The following IKBKB variants were observed in gnomAD, a reference collection of about 807,000 sequenced individuals.
IKBKB encodes the protein inhibitor of nuclear factor kappa B kinase subunit beta, also known as inhibitor of nuclear factor kappa-B kinase subunit beta.
Under a neutral mutation model 113.6 loss-of-function variants are expected in IKBKB, and 42 were observed. The observed-to-expected ratio is 0.37, with a 90% CI of 0.29 to 0.48. The LOEUF is 0.48. Among genes scored for constraint, IKBKB ranks in the 20% least tolerant of loss-of-function variants. The pLI, the probability that IKBKB is intolerant of heterozygous loss-of-function variation, is 0.99. For synonymous variants in IKBKB, 296 were observed against 361.3 expected (o/e 0.82, Z 2.05); for missense variants, 673 against 939.7 (o/e 0.72, Z 3.71).
intron 8 of IKBKB, among the ~76,000 whole-genome samples, chr8:42,312,484 A>T (rs1359371842): frequency 6.6e-6 from 1 of 152,206 alleles, no homozygotes; most frequent in East Asian, 1.9e-4. Context: ...GGAAACTTTT[A>T]AAAAATTTCA....
chr8:42,280,741 C>T (rs568341757), intron 2 of IKBKB, among the ~76,000 whole-genome samples: 4 of 152,164 alleles, frequency 2.6e-5, no homozygotes, highest in East Asian at 1.9e-4. Flanking sequence ...TGGGGCCCTG[C>T]GGGATGCTCG....
chr8:42,318,823 T>G, intron 13 of IKBKB, 148 bp downstream of exon 13: 3 of 763,406 alleles, frequency 3.9e-6, no homozygotes, highest in Non-Finnish European at 6.1e-6. Flanking sequence ...GGGAAGCGGT[T>G]GGGTGGGCTG....
Position 42,316,938 on chromosome 8 carries a change from A to G in IKBKB, c.1125+34A>G, listed in dbSNP as rs759576928. On this transcript the variant is annotated intron_variant, in intron 11 of 21. Coordinates refer to ENST00000520810, the MANE Select transcript of IKBKB (RefSeq NM_001556.3). This position sits in a 1 kb window ranked among gnomAD's most constrained non-coding sequence, Gnocchi z 4.5. ...TGGCTTCGTACACACCATCCTGTTTACCTTGGCTGTGCCTCCTGGGAAACT... is the reference window on the plus strand; with the variant it reads ...TGGCTTCGTACACACCATCCTGTTTGCCTTGGCTGTGCCTCCTGGGAAACT... The G allele has an allele frequency of 5.5e-5, 88 of 1,594,660 alleles. No homozygotes were observed. The highest frequency in any genetic ancestry group is 6.5e-5 in the Non-Finnish European group (76 of 1,164,656).
At position 42,320,832 on chromosome 8, in the gene IKBKB, C is replaced by T. The variant is rs754822259; in HGVS notation, c.1676C>T (p.Thr559Met). ...CCCATGGGCCGGAAGCAGGGGGGAACGCTGGACGACCTGTGAGTACTGGCT... is the reference window on the plus strand; with the variant it reads ...CCCATGGGCCGGAAGCAGGGGGGAATGCTGGACGACCTGTGAGTACTGGCT... ...RSPMGRKQGG[T>M]LDDLEEQARE... is the part of the protein sequence containing the mutation. Residue 559 changes from threonine to methionine, a missense_variant, in exon 16 of 22, where the codon ACG becomes ATG. By Grantham distance (81) the Thr-to-Met change is moderately conservative (BLOSUM62 -1). Around this residue, in one of 2 missense-constraint regions of IKBKB, gnomAD observed 506 missense variants for 638.7 expected, o/e 0.79. Coordinates refer to ENST00000520810, the MANE Select transcript of IKBKB (RefSeq NM_001556.3). 50 of 1,592,030 alleles carry T rather than the reference C, an allele frequency of 3.1e-5. 1 individual carries two copies. Among genetic ancestry groups the T allele is most frequent in the Admixed American group, 2.8e-4 (16 of 57,862 alleles).
chr8:42,305,396 C>G (rs1318783308), intron 6 of IKBKB, 121 bp downstream of exon 6: 1 of 662,516 alleles, frequency 1.5e-6, no homozygotes, highest in East Asian at 2.8e-5. Flanking sequence ...TGCTTTGATT[C>G]TCTGGGAATG....
chr8:42,300,140 G>A (rs1414403519), intron 5 of IKBKB, among the ~76,000 whole-genome samples: 1 of 152,188 alleles, frequency 6.6e-6, no homozygotes, highest in African/African-American at 2.4e-5. Context: ...ATTAATTGAA[G>A]GCTATTTTAG....
chr8:42,312,957 C>A (rs940823030), intron 8 of IKBKB, among the ~76,000 whole-genome samples: 2 of 152,232 alleles, frequency 1.3e-5, no homozygotes, highest in African/African-American at 4.8e-5. Context: ...GATTCTGCTA[C>A]TCTGTTGTGT....
intron 12 of IKBKB, 87 bp downstream of exon 12, chr8:42,317,858 G>A: frequency 1.1e-6 from 1 of 945,304 alleles, no homozygotes; most frequent in Non-Finnish European, 1.7e-6. Flanking sequence ...CTAAGGAAGG[G>A]GGAGCCACGT....
At chr8:42,295,693 T>C (rs1442746294) in intron 5 of IKBKB, among the ~76,000 whole-genome samples, 1 of 151,002 alleles carries the variant, frequency 6.6e-6, no homozygotes, top group Non-Finnish European at 1.5e-5. Flanking sequence ...ACCATTGCAC[T>C]CCCGCCTGGT....
At position 42,316,951 on chromosome 8, in the gene IKBKB, C is replaced by T; in HGVS notation, c.1125+47C>T. Reference sequence around the variant, plus strand: ...ACCATCCTGTTTACCTTGGCTGTGCCTCCTGGGAAACTCAACACACTTTCA... The same window carrying T: ...ACCATCCTGTTTACCTTGGCTGTGCTTCCTGGGAAACTCAACACACTTTCA... On this transcript the variant is annotated intron_variant, in intron 11 of 21. Transcript: ENST00000520810. The surrounding 1 kb of genome is among the most constrained non-coding windows in gnomAD (Gnocchi z 4.5). 6.5e-7 allele frequency: 1 copy of T among 1,549,384 alleles called. No homozygotes were observed. The highest frequency in any genetic ancestry group is 1.1e-5 in the South Asian group (1 of 88,232).
chr8:42,324,118 C>G (rs1820279429), intron 19 of IKBKB, among the ~76,000 whole-genome samples: 1 of 152,122 alleles, frequency 6.6e-6, no homozygotes, highest in South Asian at 2.1e-4. Flanking sequence ...TGAGGATGTT[C>G]CAGGACAGAG....
chr8:42,320,700 C>T (rs1383644939), intron 15 of IKBKB, 35 bp from the exon 16 acceptor site: 1 of 1,548,056 alleles, frequency 6.5e-7, no homozygotes, highest in South Asian at 1.1e-5. Flanking sequence ...ATGCGCCTAC[C>T]ACATCAGTTG....
At chr8:42,326,168 G>A in intron 20 of IKBKB, 71 bp downstream of exon 20, 1 of 1,569,844 alleles carries the variant, frequency 6.4e-7, no homozygotes, top group South Asian at 1.1e-5. Flanking sequence ...GGAGGCGTTT[G>A]TCACTGGTAA....
At chr8:42,277,687 G>A (rs1309687290) in intron 2 of IKBKB, among the ~76,000 whole-genome samples, 4 of 152,058 alleles carry the variant, frequency 2.6e-5, no homozygotes, top group East Asian at 3.9e-4. Context: ...CCTCATATGC[G>A]TCTGGGATGG....
In IKBKB at chr8:42,317,606, A is replaced by G. The variant is rs770099762; in HGVS notation, c.1126-51A>G. The G allele has an allele frequency of 3.3e-6, 4 of 1,221,682 alleles. No individual in the cohort carries two copies. In the South Asian group the frequency reaches 3.6e-5, roughly 11 times the overall value. 75.7% of individuals were successfully genotyped at this position (1,221,682 alleles called of 1,614,324 possible). On this transcript the variant is annotated intron_variant, in intron 11 of 21. Coordinates refer to ENST00000520810, the MANE Select transcript of IKBKB (RefSeq NM_001556.3). ...GTGGAACTTCTTCATTATCAGTTAG[A>G]AAAGAGAGGGTTGGATCCACAAGAT...
chr8:42,289,122 G>A (rs1812040128), intron 3 of IKBKB, among the ~76,000 whole-genome samples: 1 of 152,204 alleles, frequency 6.6e-6, no homozygotes, highest in Non-Finnish European at 1.5e-5. Context: ...GGCTGAGGCA[G>A]GAGAATGGCG....
Position 42,322,132 on chromosome 8 carries a change from G to A in IKBKB, c.1817G>A (p.Arg606Gln), listed in dbSNP as rs776259486. The change falls in exon 18 of 22, where the codon CGA (arginine) becomes CAA (glutamine). Residue 606 changes from arginine to glutamine, a missense_variant. Physicochemically the swap from Arg to Gln is conservative, Grantham distance 43. Transcript: ENST00000520810. ...QAIQSFEKKVRVIYTQLSKTV... is the reference protein window; with the variant it reads ...QAIQSFEKKVQVIYTQLSKTV... ...ATTCAGAGCTTCGAGAAGAAAGTGC[G>A]AGTGATCTATACGCAGCTCAGGTAT... 19 of 1,613,588 alleles carry A rather than the reference G, an allele frequency of 1.2e-5. No individual in the cohort carries two copies. The highest frequency in any genetic ancestry group is 4.5e-5 in the East Asian group (2 of 44,844).
chr8:42,329,863 A>G (rs1821461358), intron 21 of IKBKB: 1 of 985,300 alleles, frequency 1.0e-6, no homozygotes, highest in African/African-American at 1.7e-5. Context: ...ATTTGCTTAG[A>G]TCTTTACATG....
chr8:42,325,123 G>C lies in IKBKB; in HGVS notation c.1987-847G>C, dbSNP rs997617027. 24 of 637,224 alleles carry C rather than the reference G, an allele frequency of 3.8e-5. No homozygotes were observed. In the Admixed American group the frequency reaches 1.4e-3, roughly 37 times the overall value. The allele number at this position is 637,224 out of a possible 1,614,324, so 39.5% of individuals were successfully genotyped here. On this transcript the variant is annotated intron_variant, in intron 19 of 21. Coordinates refer to ENST00000520810, the MANE Select transcript of IKBKB (RefSeq NM_001556.3). ...CATGGGTGGGTTGGGGACCATGCAG[G>C]GCAGAGATCAGCAGAGGGGTGACCT...
Sources: allele counts gnomAD v4.1 joint callset (sites outside exome capture counted in the v4.1 genomes callset), GRCh38; gene constraint gnomAD v4.1.1; regional missense constraint gnomAD v4.1.1; non-coding constraint Gnocchi (gnomAD v3.1); transcripts MANE v1.5; gene names NCBI Gene and HGNC (gene_info 2026-07-23, HGNC 2026-07-21).